The following ZFHX3 variants were observed in gnomAD, a reference collection of about 807,000 sequenced individuals.
ZFHX3 encodes the protein zinc finger homeobox 3, also known as zinc finger homeobox protein 3.
A neutral mutation model predicts 279.1 loss-of-function variants in ZFHX3; 42 were observed. The ratio of observed to expected loss-of-function variants is 0.15; its 90% CI spans 0.12 to 0.19. The LOEUF (loss-of-function observed/expected upper bound fraction) is 0.19. Ranked by LOEUF, ZFHX3 falls within the 10% of genes least tolerant of loss-of-function variation. The pLI is 1.00. For synonymous variants in ZFHX3, 2,293 were observed against 1,957.8 expected, an observed-to-expected ratio of 1.17 and a Z score of -4.52; for missense variants, 4,981 against 4,754.0, an observed-to-expected ratio of 1.05 and a Z score of -1.40.
chr16:73,300,534 C>T (rs140213147), intron 4 of ZFHX3, among the ~76,000 whole-genome samples: 6 of 151,300 alleles, frequency 4.0e-5, no homozygotes, highest in South Asian at 2.1e-4. Context: ...GACAGAATCT[C>T]ACTCTGTCAC....
chr16:72,839,176 C>T (rs2037279830), intron 4 of ZFHX3, among the ~76,000 whole-genome samples: 1 of 151,862 alleles, frequency 6.6e-6, no homozygotes, highest in Admixed American at 6.6e-5. Context: ...GGGAAATAAT[C>T]GCAGGCCCAT....
intron 5 of ZFHX3, among the ~76,000 whole-genome samples, chr16:72,817,268 G>A (rs1051836154): frequency 6.6e-6 from 1 of 152,082 alleles, no homozygotes; most frequent in African/African-American, 2.4e-5. Context: ...TAACAAATTC[G>A]ACATCCGAAT....
chr16:72,938,621 C>G (rs1657923532), intron 3 of ZFHX3, among the ~76,000 whole-genome samples: 1 of 152,192 alleles, frequency 6.6e-6, no homozygotes, highest in Admixed American at 6.5e-5. Flanking sequence ...GAGAACTCAC[C>G]ACCTCAGAGC....
chr16:73,824,057 C>T (rs328321), intron 1 of ZFHX3, among the ~76,000 whole-genome samples: 65,047 of 151,980 alleles, frequency 0.43, 15,767 homozygotes, highest in African/African-American at 0.67. Flanking sequence ...AGGGGTGTGA[C>T]ACAGAAAATA....
At chr16:73,682,834 G>A (rs1244021275) in intron 1 of ZFHX3, among the ~76,000 whole-genome samples, 1 of 142,612 alleles carries the variant, frequency 7.0e-6, no homozygotes, top group African/African-American at 2.7e-5. Flanking sequence ...AAAGGAGAGA[G>A]AGAGAGAAAA....
intron 2 of ZFHX3, among the ~76,000 whole-genome samples, chr16:73,641,016 G>A (rs2052568506): frequency 6.6e-6 from 1 of 152,166 alleles, no homozygotes; most frequent in African/African-American, 2.4e-5. Context: ...AGCGGCACTG[G>A]AAGCTCAAAG....
intron 8 of ZFHX3, among the ~76,000 whole-genome samples, chr16:73,071,731 T>C (rs1965829384): frequency 1.3e-5 from 2 of 152,220 alleles, no homozygotes; most frequent in African/African-American, 4.8e-5. Context: ...AGCCAGAGCA[T>C]GCAGTTTAGA....
At chr16:73,786,275 T>C (rs1959642695) in intron 1 of ZFHX3, among the ~76,000 whole-genome samples, 1 of 152,210 alleles carries the variant, frequency 6.6e-6, no homozygotes, top group African/African-American at 2.4e-5. Flanking sequence ...TTTCTTCTAC[T>C]TTCTGCACTG....
chr16:73,325,292 G>A (rs779903249), intron 3 of ZFHX3, among the ~76,000 whole-genome samples: 9 of 152,222 alleles, frequency 5.9e-5, no homozygotes, highest in Admixed American at 1.3e-4. Flanking sequence ...GCCCAGGCAT[G>A]TGGTTAGGTT....
chr16:72,977,588 G>A (rs1962404009), intron 1 of ZFHX3, among the ~76,000 whole-genome samples: 2 of 68,926 alleles, frequency 2.9e-5, no homozygotes, highest in African/African-American at 8.6e-5. Flanking sequence ...TCGTGGGTCA[G>A]TGGGGGGAAA....
chr16:73,199,292 A>T (rs547436727), intron 5 of ZFHX3, among the ~76,000 whole-genome samples: 1 of 152,352 alleles, frequency 6.6e-6, no homozygotes, highest in South Asian at 2.1e-4. Context: ...TGACAGGTAG[A>T]CACCTAAGGT....
intron 3 of ZFHX3, among the ~76,000 whole-genome samples, chr16:73,375,080 TCTC>T (rs888917522): frequency 6.9e-6 from 1 of 145,476 alleles, no homozygotes; most frequent in African/African-American, 2.8e-5. Flanking sequence ...TCCTTCTCCT[TCTC>T]TTCTTCCTCC....
Position 72,788,105 on chromosome 16 carries a change from C to T in ZFHX3, c.10171G>A (p.Val3391Met), listed in dbSNP as rs376557775. ...CTTGCTTTGGGCTGCTGCTGCTGCA[C>T]TTTTTGCTGCTGCTGCTGCTGTAGT... Reference protein sequence around the residue: ...RQLQQQQQQKVQQQQPKASQT... With the variant: ...RQLQQQQQQKMQQQQPKASQT... The change falls in exon 10 of 10, where the codon GTG becomes ATG. Residue 3391 changes from valine to methionine, a missense_variant. Physicochemically the swap from Val to Met is conservative, Grantham distance 21. Coordinates refer to ENST00000268489, the MANE Select transcript of ZFHX3 (RefSeq NM_006885.4). 4.4e-6 allele frequency: 7 copies of T among 1,608,334 alleles called. No homozygotes were observed. The East Asian group carries it at 1.1e-4, about 26-fold the overall frequency.
chr16:72,871,091 T>C (rs1267482794), intron 4 of ZFHX3, among the ~76,000 whole-genome samples: 1 of 152,222 alleles, frequency 6.6e-6, no homozygotes, highest in African/African-American at 2.4e-5. Context: ...AAAATGCTAA[T>C]ATTTGGGGAA....
At chr16:73,011,144 G>A (rs2144623123) in intron 1 of ZFHX3, among the ~76,000 whole-genome samples, 1 of 152,212 alleles carries the variant, frequency 6.6e-6, no homozygotes, top group African/African-American at 2.4e-5. Context: ...ACCACACCGG[G>A]CTAATTTTTG....
At chr16:73,708,381 G>T (rs1211495397) in intron 1 of ZFHX3, among the ~76,000 whole-genome samples, 2 of 152,146 alleles carry the variant, frequency 1.3e-5, no homozygotes, top group East Asian at 3.8e-4. Context: ...GAATTGGAAG[G>T]TTAATAACAT....
At chr16:73,129,791 G>A (rs1017676618) in intron 7 of ZFHX3, among the ~76,000 whole-genome samples, 2 of 151,972 alleles carry the variant, frequency 1.3e-5, no homozygotes, top group African/African-American at 2.4e-5. Context: ...GATATTTTGG[G>A]TATGGGCTAA....
At chr16:73,399,168 G>C (rs1407301806) in intron 3 of ZFHX3, among the ~76,000 whole-genome samples, 2 of 152,010 alleles carry the variant, frequency 1.3e-5, no homozygotes, top group Non-Finnish European at 2.9e-5. Flanking sequence ...CTGAGCCACT[G>C]TGCCCGGCTG....
Position 72,798,658 on chromosome 16 carries a change from C to T in ZFHX3, c.4024G>A (p.Gly1342Arg), listed in dbSNP as rs141100730. The stretch of plus-strand genomic sequence containing the variant: ...TCAGCAGGGGATGGTTTCAAATCTC[C>T]GCTTTGCTCTGTGCTTGCGGATGGC... ...ILPSASTEQSGDLKPSPADPG... is the reference protein window; with the variant it reads ...ILPSASTEQSRDLKPSPADPG... The change falls in exon 9 of 10, where the codon GGA becomes AGA. Residue 1342 changes from glycine to arginine, a missense_variant. Transcript: ENST00000268489. 5.6e-5 allele frequency: 90 copies of T among 1,611,940 alleles called. No homozygotes were observed. Among genetic ancestry groups the T allele is most frequent in the Admixed American group, 1.2e-4 (7 of 59,732 alleles).
Sources: allele counts gnomAD v4.1 joint callset (sites outside exome capture counted in the v4.1 genomes callset), GRCh38; gene constraint gnomAD v4.1.1; transcripts MANE v1.5; gene names NCBI Gene and HGNC (gene_info 2026-07-23, HGNC 2026-07-21).